GNAQ: variants seen among roughly 807,000 people sequenced by gnomAD.
The protein encoded by GNAQ is guanine nucleotide-binding protein G(q) subunit alpha.
GNAQ carries 8 observed loss-of-function variants against 43.9 expected under a neutral mutation model. The observed-to-expected ratio is 0.18, with a 90% confidence interval of 0.11 to 0.33. The LOEUF (loss-of-function observed/expected upper bound fraction) is 0.33, where lower values mean the gene tolerates loss of function less well. Among genes scored for constraint, GNAQ ranks in the 10% least tolerant of loss-of-function variants. The pLI, the probability that GNAQ is intolerant of heterozygous loss-of-function variation, is 1.00. For synonymous variants in GNAQ, 155 were observed against 170.7 expected, an observed-to-expected ratio of 0.91 and a Z score of 0.71; for missense variants, 158 against 450.8, an observed-to-expected ratio of 0.35 and a Z score of 5.88.
intron 1 of GNAQ, among the ~76,000 whole-genome samples, chr9:78,007,011 G>A (rs1823715441): frequency 6.6e-6 from 1 of 152,166 alleles, no homozygotes; most frequent in Non-Finnish European, 1.5e-5. Context: ...GCCAATGCAA[G>A]TTCTTCCCAC....
intron 1 of GNAQ, among the ~76,000 whole-genome samples, chr9:78,021,435 T>A (rs1823908185): frequency 6.6e-6 from 1 of 152,252 alleles, no homozygotes; most frequent in Admixed American, 6.5e-5. Context: ...ATCTTTTACT[T>A]CTTTGTATGC....
At chr9:77,845,119 G>A (rs535194257) in intron 2 of GNAQ, among the ~76,000 whole-genome samples, 4 of 152,046 alleles carry the variant, frequency 2.6e-5, no homozygotes, top group South Asian at 2.1e-4. Context: ...ACTGTAACTC[G>A]TTGGAAATAT....
chr9:77,903,555 C>T (rs1050742777), intron 2 of GNAQ, among the ~76,000 whole-genome samples: 2 of 152,084 alleles, frequency 1.3e-5, no homozygotes, highest in African/African-American at 2.4e-5. Context: ...CCTTCCTTTC[C>T]CCAGGGGCTA....
chr9:77,924,092 T>G (rs1304135121), intron 1 of GNAQ, among the ~76,000 whole-genome samples: 1 of 152,212 alleles, frequency 6.6e-6, no homozygotes, highest in African/African-American at 2.4e-5. Context: ...ATTTTCCTAT[T>G]ACTTTTAGTA....
At chr9:77,834,505 T>C (rs1042320435) in intron 2 of GNAQ, among the ~76,000 whole-genome samples, 8 of 82,256 alleles carry the variant, frequency 9.7e-5, no homozygotes, top group Non-Finnish European at 2.8e-4. Context: ...CACTATTCTT[T>C]CTTTTTTTTT....
chr9:78,027,617 G>T (rs143296905), intron 1 of GNAQ, among the ~76,000 whole-genome samples: 1,771 of 152,128 alleles, frequency 0.012, 17 homozygotes, highest in Non-Finnish European at 0.02. Context: ...CGGGCGTGGT[G>T]GTGCATGCCT....
intron 5 of GNAQ, among the ~76,000 whole-genome samples, chr9:77,775,084 C>G (rs899529504): frequency 1.4e-4 from 22 of 152,180 alleles, no homozygotes; most frequent in Admixed American, 1.4e-3. Context: ...GAGCGACTTT[C>G]TGTCCAATAT....
At chr9:77,742,985 C>T (rs1049365609) in intron 5 of GNAQ, among the ~76,000 whole-genome samples, 9 of 152,296 alleles carry the variant, frequency 5.9e-5, no homozygotes, top group Middle Eastern at 3.4e-3. Context: ...GGAGGCTGGG[C>T]GCCGTGGCTC....
chr9:77,849,408 G>A (rs569372029), intron 2 of GNAQ, among the ~76,000 whole-genome samples: 31 of 152,242 alleles, frequency 2.0e-4, no homozygotes, highest in African/African-American at 7.2e-4. Context: ...TGATACTGGA[G>A]TGGGGTCAGG....
intron 2 of GNAQ, among the ~76,000 whole-genome samples, chr9:77,826,126 A>G (rs1418661414): frequency 6.6e-6 from 1 of 152,182 alleles, no homozygotes; most frequent in East Asian, 1.9e-4. Context: ...GCTTCCCACT[A>G]TTGTCAAGAA....
chr9:77,718,269 A>G lies in GNAQ; in HGVS notation c.*3054T>C, dbSNP rs1481446512. The G allele has an allele frequency of 4.3e-6, 1 of 232,582 alleles. No individual in the cohort carries two copies. The highest frequency in any genetic ancestry group is 6.0e-5 in the East Asian group (1 of 16,562). The allele number at this position is 232,582 out of a possible 1,614,324, so 14.4% of individuals were successfully genotyped here. The stretch of plus-strand genomic sequence containing the variant: ...TTATAACGCTTGCAATCACAATATA[A>G]TATAAAGCATGAGTAAACTTTGTTT... On this transcript the variant is annotated 3_prime_UTR_variant, in exon 7 of 7. Coordinates refer to ENST00000286548, the MANE Select transcript of GNAQ (RefSeq NM_002072.5).
chr9:77,832,662 A>G (rs1191098474), intron 2 of GNAQ, among the ~76,000 whole-genome samples: 3 of 152,238 alleles, frequency 2.0e-5, no homozygotes, highest in African/African-American at 7.2e-5. Context: ...CATATTTCCC[A>G]GTGTATATAC....
chr9:77,755,887 G>A (rs1280961433), intron 5 of GNAQ, among the ~76,000 whole-genome samples: 1 of 152,168 alleles, frequency 6.6e-6, no homozygotes, highest in Non-Finnish European at 1.5e-5. Context: ...AGGATGCAAA[G>A]TACTGTTCTT....
At chr9:77,864,771 C>A (rs1827921256) in intron 2 of GNAQ, among the ~76,000 whole-genome samples, 1 of 152,226 alleles carries the variant, frequency 6.6e-6, no homozygotes. Context: ...TAATACGTTA[C>A]AGCAGCAATA....
intron 5 of GNAQ, among the ~76,000 whole-genome samples, chr9:77,745,622 T>C (rs979285930): frequency 2.1e-5 from 3 of 143,138 alleles, no homozygotes; most frequent in African/African-American, 5.2e-5. Context: ...AAAAAAAAAA[T>C]CTATGAAAGC....
chr9:77,995,370 A>T (rs1474177109), intron 1 of GNAQ, among the ~76,000 whole-genome samples: 1 of 152,230 alleles, frequency 6.6e-6, no homozygotes, highest in Admixed American at 6.5e-5. Flanking sequence ...ACCAAGAATT[A>T]CAATTGGTAC....
intron 2 of GNAQ, among the ~76,000 whole-genome samples, chr9:77,828,805 T>A (rs954597772): frequency 2.0e-5 from 3 of 152,214 alleles, no homozygotes; most frequent in African/African-American, 7.2e-5. Flanking sequence ...TCTGTTATGG[T>A]CTAGGACCAG....
chr9:77,781,846 G>C (rs182643169), intron 5 of GNAQ, among the ~76,000 whole-genome samples: 62 of 152,122 alleles, frequency 4.1e-4, no homozygotes, highest in Non-Finnish European at 6.6e-4. Flanking sequence ...ATGAAATTAG[G>C]AATAGAAGAG....
intron 2 of GNAQ, among the ~76,000 whole-genome samples, chr9:77,915,900 C>T (rs1341511422): frequency 6.6e-6 from 1 of 152,190 alleles, no homozygotes; most frequent in Non-Finnish European, 1.5e-5. Context: ...ATTTGTAACA[C>T]CATCATTCCC....
Sources: gnomAD v4.1 joint callset for allele counts (sites outside exome capture counted in the v4.1 genomes callset) on GRCh38, gnomAD v4.1.1 for gene constraint, MANE v1.5 for transcripts, NCBI Gene and HGNC (gene_info 2026-07-23, HGNC 2026-07-21) for gene names.